The following MED31 variants were observed in gnomAD, a reference collection of about 807,000 sequenced individuals.
The protein encoded by MED31 is mediator of RNA polymerase II transcription subunit 31.
In MED31, 11 loss-of-function variants were observed where a neutral mutation model predicts 22.0. That is an observed-to-expected ratio of 0.50 (90% CI 0.31 to 0.83). The LOEUF is 0.83. Ranked by LOEUF, MED31 falls within the 40% of genes least tolerant of loss-of-function variation. MED31 has a pLI of 0.04. For missense variants in MED31, 122 were observed against 155.3 expected (o/e 0.79, Z 1.14); for synonymous variants, 60 against 55.1 (o/e 1.09, Z -0.40).
chr17:6,644,017 G>A lies in MED31; in HGVS notation c.*450C>T. Reference sequence around the variant, plus strand: ...AGTTCCTGTCCTATGATTTAAAGAGGTCAGTGACTCCGCTACTCTCACTAC... The same window carrying A: ...AGTTCCTGTCCTATGATTTAAAGAGATCAGTGACTCCGCTACTCTCACTAC... On this transcript the variant is annotated 3_prime_UTR_variant, in exon 4 of 4. Transcript: ENST00000225728. The A allele has an allele frequency of 1.3e-5, 5 of 399,764 alleles. No homozygotes were observed. The highest frequency in any genetic ancestry group is 2.2e-5 in the Non-Finnish European group (5 of 226,802). The allele number at this position is 399,764 out of a possible 1,614,324, so 24.8% of individuals were successfully genotyped here. A position where few individuals can be genotyped will look rare whatever the true frequency, so the allele number is the denominator to read the frequency against.
chr17:6,643,467 G>C lies in MED31; in HGVS notation c.*1000C>G, dbSNP rs1972722302. Reference sequence around the variant, plus strand: ...TCTAATCTAGCCTCTGCTTAATTCAGGCAGTTTTGTTTTGTTTAATAAAAA... The same window carrying C: ...TCTAATCTAGCCTCTGCTTAATTCACGCAGTTTTGTTTTGTTTAATAAAAA... On this transcript the variant is annotated 3_prime_UTR_variant, in exon 4 of 4. Coordinates refer to ENST00000225728, the MANE Select transcript of MED31 (RefSeq NM_016060.3). 2 of 154,080 alleles carry C rather than the reference G, an allele frequency of 1.3e-5. No individual in the cohort carries two copies. The highest frequency in any genetic ancestry group is 4.8e-5 in the African/African-American group (2 of 41,476). 9.5% of individuals were successfully genotyped at this position (154,080 alleles called of 1,614,324 possible).
At chr17:6,647,833 A>C (rs1972784534) in intron 3 of MED31, among the ~76,000 whole-genome samples, 1 of 152,254 alleles carries the variant, frequency 6.6e-6, no homozygotes, top group South Asian at 2.1e-4. Flanking sequence ...ACTGTAAAAT[A>C]ATGTGACAAC....
At chr17:6,644,719 A>G in intron 3 of MED31, 60 bp from the exon 4 acceptor site, 2 of 1,471,004 alleles carry the variant, frequency 1.4e-6, no homozygotes, top group Non-Finnish European at 1.8e-6. Context: ...GCCAAGGTAT[A>G]ATTCAGTTAT....
chr17:6,651,550 G>T lies in MED31; in HGVS notation c.-22C>A, dbSNP rs767032510. 3.1e-6 allele frequency: 5 copies of T among 1,613,848 alleles called. No individual in the cohort carries two copies. The highest frequency in any genetic ancestry group is 1.3e-5 in the African/African-American group (1 of 74,924). On this transcript the variant is annotated 5_prime_UTR_variant, in exon 1 of 4. Transcript: ENST00000225728. ...CCATAACAAACGAAGACACCAAAAC[G>T]CCACCAGCCTGACAGAGCAAAAGCC...
Position 6,644,326 on chromosome 17 carries a change from G to C in MED31, c.*141C>G. ...AGAAATAGTCTATTAACAATAAAAA[G>C]TTGGATGAAAAAGCACACTAAAGGT... is the stretch of plus-strand genomic sequence containing the variant. On this transcript the variant is annotated 3_prime_UTR_variant, in exon 4 of 4. Transcript: ENST00000225728. The C allele has an allele frequency of 1.1e-6, 1 of 889,368 alleles. No homozygotes were observed. Among genetic ancestry groups the C allele is most frequent in the South Asian group, 2.9e-5 (1 of 34,300 alleles). 55.1% of individuals were successfully genotyped at this position (889,368 alleles called of 1,614,324 possible).
chr17:6,646,510 C>T (rs965416041), intron 3 of MED31, among the ~76,000 whole-genome samples: 1 of 152,164 alleles, frequency 6.6e-6, no homozygotes, highest in African/African-American at 2.4e-5. Flanking sequence ...AATTTAGCCC[C>T]AACTCTGTGC....
At chr17:6,650,536 A>C in intron 1 of MED31, 103 bp from the exon 2 acceptor site, 1 of 1,025,874 alleles carries the variant, frequency 9.7e-7, no homozygotes. Flanking sequence ...TAATGTTGAG[A>C]TGGTCTTCCT....
At position 6,644,369 on chromosome 17, in the gene MED31, TAAAG is replaced by T; in HGVS notation, c.*94_*97del. 1 of 1,395,108 alleles carries T rather than the reference TAAAG, an allele frequency of 7.2e-7. No individual in the cohort carries two copies. The highest frequency in any genetic ancestry group is 1.6e-5 in the South Asian group (1 of 60,660). 86.4% of individuals were successfully genotyped at this position (1,395,108 alleles called of 1,614,324 possible). On this transcript the variant is annotated 3_prime_UTR_variant, in exon 4 of 4. Transcript: ENST00000225728. ...CTAAAGGTTCTAGGGGCTACCATAA[TAAAG>T]GTAGATAGGAAGAGTTTTCATTTTT...
chr17:6,650,526 T>A (rs976185917), intron 1 of MED31, 93 bp from the exon 2 acceptor site: 2 of 1,155,602 alleles, frequency 1.7e-6, no homozygotes, highest in Non-Finnish European at 2.5e-6. Context: ...GAAACCTGAC[T>A]AATGTTGAGA....
At chr17:6,646,914 C>G (rs190345207) in intron 3 of MED31, among the ~76,000 whole-genome samples, 38 of 152,302 alleles carry the variant, frequency 2.5e-4, no homozygotes, top group Middle Eastern at 3.4e-3. Flanking sequence ...GTAAAGTCGA[C>G]CATTCCCATT....
At chr17:6,650,495 T>C in intron 1 of MED31, 62 bp from the exon 2 acceptor site, 2 of 1,486,900 alleles carry the variant, frequency 1.3e-6, no homozygotes, top group East Asian at 2.3e-5. Flanking sequence ...TACTGATTTG[T>C]AGTAAGGAAA....
In MED31 at chr17:6,643,420, C is replaced by T. The variant is rs1328040752; in HGVS notation, c.*1047G>A. On this transcript the variant is annotated 3_prime_UTR_variant, in exon 4 of 4. Transcript: ENST00000225728. ...TTTGGAATGTAGAACCTAACCTCAC[C>T]ACTGAAGGAAAGCACATGACCTCTA... 1 of 162,136 alleles carries T rather than the reference C, an allele frequency of 6.2e-6. No homozygotes were observed. The highest frequency in any genetic ancestry group is 2.4e-5 in the African/African-American group (1 of 41,618). 10.0% of individuals were successfully genotyped at this position (162,136 alleles called of 1,614,324 possible).
chr17:6,646,395 A>G (rs1249935220), intron 3 of MED31, among the ~76,000 whole-genome samples: 1 of 152,220 alleles, frequency 6.6e-6, no homozygotes. Context: ...TGGGGAAAAG[A>G]GATCAGATTG....
chr17:6,644,754 T>C, intron 3 of MED31, 95 bp from the exon 4 acceptor site: 1 of 1,359,634 alleles, frequency 7.4e-7, no homozygotes, highest in South Asian at 1.7e-5. Context: ...TCTTGTAGCC[T>C]ACCATTTCTA....
At position 6,650,064 on chromosome 17, in the gene MED31, C is replaced by G; in HGVS notation, c.121G>C (p.Gly41Arg). The G allele has an allele frequency of 6.3e-7, 1 of 1,595,386 alleles. No individual in the cohort carries two copies. Among genetic ancestry groups the G allele is most frequent in the South Asian group, 1.2e-5 (1 of 86,002 alleles). ...PNYLNFLAQR[G>R]YFKDKAFVNY... ...ACAAAAGCTTTGTCTTTGAAGTAAC[C>G]TCTTTGGGCAAGAACTGAAAAGCAT... The change falls in exon 3 of 4, where the codon GGT (glycine) becomes CGT (arginine). Residue 41 changes from glycine (G) to arginine (R), a missense_variant. Gly to Arg is a moderately radical substitution (Grantham distance 125). Coordinates refer to ENST00000225728, the MANE Select transcript of MED31 (RefSeq NM_016060.3).
At chr17:6,651,087 C>T (rs1434839109) in intron 1 of MED31, among the ~76,000 whole-genome samples, 2 of 125,060 alleles carry the variant, frequency 1.6e-5, no homozygotes, top group Non-Finnish European at 3.1e-5. Context: ...CGCCACTGCA[C>T]CCCAGCCTGG....
At chr17:6,650,311 AATC>A (rs760675542) in intron 2 of MED31, 42 bp downstream of exon 2, 1 of 1,563,074 alleles carries the variant, frequency 6.4e-7, no homozygotes, top group South Asian at 1.1e-5. Context: ...TTCTGTCAGA[AATC>A]ATTAATAGCT....
In MED31 at chr17:6,651,540, ACACCAAAACGC is replaced by A. The variant is rs1243932800; in HGVS notation, c.-23_-13del. 1.2e-6 allele frequency: 2 copies of A among 1,614,094 alleles called. No homozygotes were observed. Among genetic ancestry groups the A allele is most frequent in the Non-Finnish European group, 1.7e-6 (2 of 1,179,998 alleles). On this transcript the variant is annotated 5_prime_UTR_variant, in exon 1 of 4. Transcript: ENST00000225728. ...ACAGCAGCGGCCATAACAAACGAAGACACCAAAACGCCACCAGCCTGACAGAGCAAAAGCCC... is the reference window on the plus strand; with the variant it reads ...ACAGCAGCGGCCATAACAAACGAAGACACCAGCCTGACAGAGCAAAAGCCC...
chr17:6,650,547 A>C, intron 1 of MED31, 114 bp from the exon 2 acceptor site: 1 of 897,082 alleles, frequency 1.1e-6, no homozygotes, highest in Non-Finnish European at 1.7e-6. Flanking sequence ...TGGTCTTCCT[A>C]AACTAGGAGT....
Sources: gnomAD v4.1 joint callset for allele counts (sites outside exome capture counted in the v4.1 genomes callset) on GRCh38, gnomAD v4.1.1 for gene constraint, MANE v1.5 for transcripts, NCBI Gene and HGNC (gene_info 2026-07-23, HGNC 2026-07-21) for gene names.